GPC5: variants seen among roughly 807,000 people sequenced by gnomAD.
GPC5 encodes the protein glypican-5.
A neutral mutation model predicts 53.9 loss-of-function variants in GPC5; 47 were observed. The ratio of observed to expected loss-of-function variants is 0.87; its 90% confidence interval spans 0.69 to 1.11. The LOEUF (loss-of-function observed/expected upper bound fraction) is 1.11. Ranked by LOEUF, GPC5 falls within the 50% of genes most tolerant of loss-of-function variation. GPC5 has a pLI of 0.00. For missense variants in GPC5, 748 were observed against 713.1 expected, an observed-to-expected ratio of 1.05 and a Z score of -0.56; for synonymous variants, 286 against 263.3, an observed-to-expected ratio of 1.09 and a Z score of -0.84.
At chr13:92,184,055 A>T (rs1204979240) in intron 7 of GPC5, among the ~76,000 whole-genome samples, 1 of 152,000 alleles carries the variant, frequency 6.6e-6, no homozygotes, top group Admixed American at 6.6e-5. Context: ...AATTATCTCA[A>T]ATTCATATGG....
At chr13:91,894,996 A>G (rs1405727915) in intron 5 of GPC5, among the ~76,000 whole-genome samples, 1 of 150,158 alleles carries the variant, frequency 6.7e-6, no homozygotes, top group African/African-American at 2.4e-5. Flanking sequence ...TCATCCTAGG[A>G]GGGATGTTAA....
intron 5 of GPC5, among the ~76,000 whole-genome samples, chr13:91,891,954 C>G (rs942172533): frequency 6.6e-6 from 1 of 151,970 alleles, no homozygotes; most frequent in South Asian, 2.1e-4. Context: ...AAACTTAGAA[C>G]AACTATGGAT....
At chr13:91,460,133 G>A (rs775978667) in intron 2 of GPC5, among the ~76,000 whole-genome samples, 44 of 152,052 alleles carry the variant, frequency 2.9e-4, no homozygotes, top group Non-Finnish European at 4.6e-4. Context: ...AACCCAGTTA[G>A]CAAGTAAAGT....
intron 7 of GPC5, among the ~76,000 whole-genome samples, chr13:92,801,264 C>T (rs771251522): frequency 2.0e-5 from 3 of 151,454 alleles, no homozygotes; most frequent in Non-Finnish European, 3.0e-5. Context: ...ACATTTTGGT[C>T]GACCACAGAC....
chr13:92,385,027 T>C (rs2043780583), intron 7 of GPC5, among the ~76,000 whole-genome samples: 1 of 152,108 alleles, frequency 6.6e-6, no homozygotes, highest in Non-Finnish European at 1.5e-5. Context: ...GCTGCACCTA[T>C]CTGTATTACA....
chr13:92,348,669 C>T (rs1334733673), intron 7 of GPC5, among the ~76,000 whole-genome samples: 1 of 152,044 alleles, frequency 6.6e-6, no homozygotes, highest in Non-Finnish European at 1.5e-5. Flanking sequence ...GGGTAGATCA[C>T]CTGTTATGAC....
At chr13:92,765,332 G>C (rs948960872) in intron 7 of GPC5, among the ~76,000 whole-genome samples, 1 of 152,162 alleles carries the variant, frequency 6.6e-6, no homozygotes, top group Non-Finnish European at 1.5e-5. Context: ...CCTATAAAAT[G>C]ATAGGGTTTT....
At chr13:92,250,489 C>T (rs1241994562) in intron 7 of GPC5, among the ~76,000 whole-genome samples, 3 of 152,020 alleles carry the variant, frequency 2.0e-5, no homozygotes, top group Middle Eastern at 3.2e-3. Flanking sequence ...AGTTCATGTA[C>T]GCCTTACCCT....
intron 7 of GPC5, among the ~76,000 whole-genome samples, chr13:92,390,540 G>A (rs193291423): frequency 7.6e-4 from 115 of 152,218 alleles, no homozygotes; most frequent in Non-Finnish European, 1.4e-3. Context: ...TTGTGGTCAA[G>A]CGAGTTTAAA....
chr13:92,283,855 T>TA (rs2042933897), intron 7 of GPC5, among the ~76,000 whole-genome samples: 1 of 152,004 alleles, frequency 6.6e-6, no homozygotes, highest in Non-Finnish European at 1.5e-5. Context: ...AGCAAACACA[T>TA]TCAAAAGCTA....
At chr13:91,416,270 T>A (rs758756150) in intron 1 of GPC5, among the ~76,000 whole-genome samples, 1 of 152,096 alleles carries the variant, frequency 6.6e-6, no homozygotes, top group Non-Finnish European at 1.5e-5. Flanking sequence ...AAAGAATAAC[T>A]AGCAAAACGC....
At chr13:92,102,291 A>G (rs928063828) in intron 6 of GPC5, among the ~76,000 whole-genome samples, 1 of 152,194 alleles carries the variant, frequency 6.6e-6, no homozygotes, top group African/African-American at 2.4e-5. Context: ...ATTAAATACT[A>G]TAGGGTTATC....
At chr13:91,921,672 G>A (rs1237600401) in intron 6 of GPC5, among the ~76,000 whole-genome samples, 5 of 151,992 alleles carry the variant, frequency 3.3e-5, no homozygotes, top group African/African-American at 9.7e-5. Context: ...TACGGCAGAT[G>A]GGGTGGCTCA....
intron 6 of GPC5, among the ~76,000 whole-genome samples, chr13:91,964,507 G>A (rs1464520363): frequency 6.6e-6 from 1 of 152,144 alleles, no homozygotes; most frequent in Non-Finnish European, 1.5e-5. Context: ...GCTGATTGGT[G>A]TATTTACAAT....
chr13:91,922,887 T>TTTA (rs1328179791), intron 6 of GPC5, among the ~76,000 whole-genome samples: 4 of 5,340 alleles, frequency 7.5e-4, no homozygotes, highest in Non-Finnish European at 1.1e-3. Context: ...CAGATCTTAC[T>TTTA]CCTAAATGCT....
intron 7 of GPC5, among the ~76,000 whole-genome samples, chr13:92,726,344 G>T (rs1362908989): frequency 1.3e-5 from 2 of 151,426 alleles, no homozygotes; most frequent in East Asian, 3.9e-4. Context: ...AAATCTAGTT[G>T]TTTCTTTTAG....
chr13:92,057,434 G>C (rs570128806), intron 6 of GPC5, among the ~76,000 whole-genome samples: 1 of 152,074 alleles, frequency 6.6e-6, no homozygotes, highest in Non-Finnish European at 1.5e-5. Context: ...AAACTAAAAT[G>C]GTTGTTGTTT....
intron 7 of GPC5, among the ~76,000 whole-genome samples, chr13:92,222,140 C>T (rs1472543908): frequency 6.6e-6 from 1 of 152,102 alleles, no homozygotes; most frequent in Admixed American, 6.6e-5. Flanking sequence ...GCGGTATCTC[C>T]GATCAATTCT....
intron 5 of GPC5, among the ~76,000 whole-genome samples, chr13:91,823,509 A>G (rs1352316656): frequency 6.6e-6 from 1 of 152,132 alleles, no homozygotes; most frequent in Admixed American, 6.5e-5. Context: ...AGAATTATTA[A>G]GTAATGTCTT....
Sources: gnomAD v4.1 joint callset for allele counts (sites outside exome capture counted in the v4.1 genomes callset) on GRCh38, gnomAD v4.1.1 for gene constraint, MANE v1.5 for transcripts, NCBI Gene and HGNC (gene_info 2026-07-23, HGNC 2026-07-21) for gene names.